Variants in IMMP2L observed in about 807,000 individuals in gnomAD.
The protein encoded by IMMP2L is mitochondrial inner membrane protease subunit 2.
IMMP2L carries 18 observed loss-of-function variants against 19.3 expected under a neutral mutation model. That is an observed-to-expected ratio of 0.93 (90% CI 0.64 to 1.38). IMMP2L has a LOEUF of 1.38. Among genes scored for constraint, IMMP2L ranks in the 40% most tolerant of loss-of-function variants. The probability of loss-of-function intolerance (pLI) is 0.00; values close to 1 mark genes in which losing one functional copy is unlikely to be tolerated. For missense variants in IMMP2L, 233 were observed against 218.2 expected (o/e 1.07, Z -0.43); for synonymous variants, 76 against 73.0 (o/e 1.04, Z -0.21).
At chr7:111,254,737 G>T (rs1295460773) in intron 3 of IMMP2L, among the ~76,000 whole-genome samples, 3 of 151,982 alleles carry the variant, frequency 2.0e-5, no homozygotes, top group Non-Finnish European at 4.4e-5. Context: ...TCCCAGAGTC[G>T]TCCTGCAGAA....
intron 3 of IMMP2L, among the ~76,000 whole-genome samples, chr7:110,995,732 GA>G (rs1048543218): frequency 6.6e-6 from 1 of 152,066 alleles, no homozygotes; most frequent in African/African-American, 2.4e-5. Context: ...CTGGACCAGG[GA>G]AAATCAGGCT....
At chr7:111,423,546 G>C (rs975600739) in intron 3 of IMMP2L, among the ~76,000 whole-genome samples, 7 of 151,740 alleles carry the variant, frequency 4.6e-5, no homozygotes, top group Non-Finnish European at 7.4e-5. Context: ...GTATTTCTGT[G>C]GGATAGGTGG....
Position 111,123,692 on chromosome 7 carries a change from A to T in IMMP2L, c.240-160127T>A, listed in dbSNP as rs758915597. ...TCCATCGATAGTCTTGCTGTGGATA[A>T]CCTGCCAGATTTAAGAAAAATAGAA... On this transcript the variant is annotated intron_variant, in intron 3 of 5. Coordinates refer to ENST00000405709, the MANE Select transcript of IMMP2L (RefSeq NM_032549.4). This position sits in a 1 kb window ranked among gnomAD's most constrained non-coding sequence, Gnocchi z 6.4. 1 of 1,613,924 alleles carries T rather than the reference A, an allele frequency of 6.2e-7. No homozygotes were observed. Among genetic ancestry groups the T allele is most frequent in the Non-Finnish European group, 8.5e-7 (1 of 1,179,944 alleles).
chr7:111,261,899 T>C (rs1348731425), intron 3 of IMMP2L, among the ~76,000 whole-genome samples: 1 of 152,102 alleles, frequency 6.6e-6, no homozygotes, highest in South Asian at 2.1e-4. Flanking sequence ...CTGAAGGTTA[T>C]GGGGATAGAC....
chr7:111,021,964 C>A (rs993058589), intron 3 of IMMP2L, among the ~76,000 whole-genome samples: 1 of 152,160 alleles, frequency 6.6e-6, no homozygotes, highest in Non-Finnish European at 1.5e-5. Context: ...GATTCAATTA[C>A]CTCCCACTGG....
intron 5 of IMMP2L, among the ~76,000 whole-genome samples, chr7:110,767,612 A>G (rs1044030793): frequency 1.3e-5 from 2 of 152,164 alleles, no homozygotes; most frequent in Non-Finnish European, 2.9e-5. Flanking sequence ...TCTCTATCTT[A>G]TGCCTATCAA....
At chr7:111,143,689 C>A (rs959287133) in intron 3 of IMMP2L, among the ~76,000 whole-genome samples, 2 of 152,110 alleles carry the variant, frequency 1.3e-5, no homozygotes, top group Non-Finnish European at 2.9e-5. Context: ...ATAACTGTAA[C>A]TGTGGAAAGG....
intron 3 of IMMP2L, among the ~76,000 whole-genome samples, chr7:111,357,659 G>C (rs752302293): frequency 1.1e-4 from 17 of 152,020 alleles, no homozygotes; most frequent in Non-Finnish European, 2.2e-4. Context: ...TAGTTATTAT[G>C]TCTAAATATT....
At chr7:110,819,811 C>G (rs944431753) in intron 5 of IMMP2L, among the ~76,000 whole-genome samples, 1 of 152,018 alleles carries the variant, frequency 6.6e-6, no homozygotes, top group Non-Finnish European at 1.5e-5. Context: ...TAAATTATAT[C>G]TTTCAAGTAA....
intron 5 of IMMP2L, among the ~76,000 whole-genome samples, chr7:110,850,164 A>T (rs1250742221): frequency 6.6e-6 from 1 of 152,116 alleles, no homozygotes; most frequent in Admixed American, 6.6e-5. Context: ...TATATCAGCA[A>T]TTAGGGTAGG....
chr7:110,844,531 G>T (rs940413699), intron 5 of IMMP2L, among the ~76,000 whole-genome samples: 13 of 151,790 alleles, frequency 8.6e-5, no homozygotes, highest in African/African-American at 2.9e-4. Flanking sequence ...AACGGATGGG[G>T]GTCTTTTATA....
chr7:111,404,713 A>C (rs1386052230), intron 3 of IMMP2L, among the ~76,000 whole-genome samples: 1 of 152,132 alleles, frequency 6.6e-6, no homozygotes, highest in Non-Finnish European at 1.5e-5. Flanking sequence ...CTAAATTTTC[A>C]CATTTGTCAA....
At chr7:111,180,808 ATG>A (rs1436020791) in intron 3 of IMMP2L, among the ~76,000 whole-genome samples, 2 of 152,044 alleles carry the variant, frequency 1.3e-5, no homozygotes, top group Non-Finnish European at 2.9e-5. Flanking sequence ...TTTATGGAAT[ATG>A]TGTTTCATTT....
At chr7:111,552,570 G>A (rs1790802007) in intron 1 of IMMP2L, among the ~76,000 whole-genome samples, 2 of 152,118 alleles carry the variant, frequency 1.3e-5, no homozygotes, top group South Asian at 4.1e-4. Context: ...TTACAGGTGT[G>A]AGCCACCATC....
chr7:111,555,611 C>CT (rs1161900774), intron 1 of IMMP2L, among the ~76,000 whole-genome samples: 1 of 151,896 alleles, frequency 6.6e-6, no homozygotes, highest in Non-Finnish European at 1.5e-5. Flanking sequence ...ATGTATTTGA[C>CT]TTTTTTTTAA....
intron 5 of IMMP2L, among the ~76,000 whole-genome samples, chr7:110,775,904 G>A (rs1030433691): frequency 2.6e-5 from 4 of 151,612 alleles, no homozygotes; most frequent in African/African-American, 7.3e-5. Context: ...AACTCCAGAG[G>A]CAACAAAGTC....
At chr7:111,055,143 T>C (rs149847332) in intron 3 of IMMP2L, among the ~76,000 whole-genome samples, 131 of 152,020 alleles carry the variant, frequency 8.6e-4, no homozygotes, top group African/African-American at 3.0e-3. Context: ...CTCAAACTCT[T>C]GGGCTCGGGC....
chr7:110,748,055 G>C (rs967640833), intron 5 of IMMP2L, among the ~76,000 whole-genome samples: 1 of 152,138 alleles, frequency 6.6e-6, no homozygotes, highest in African/African-American at 2.4e-5. Flanking sequence ...CAAAGTCTCA[G>C]GATACAAAAT....
At chr7:110,993,095 G>A (rs187661143) in intron 3 of IMMP2L, among the ~76,000 whole-genome samples, 1 of 152,134 alleles carries the variant, frequency 6.6e-6, no homozygotes, top group African/African-American at 2.4e-5. Context: ...AACTAATTGA[G>A]AAAGAGGTAG....
Sources: gnomAD v4.1 joint callset for allele counts (sites outside exome capture counted in the v4.1 genomes callset) on GRCh38, gnomAD v4.1.1 for gene constraint, Gnocchi (gnomAD v3.1) non-coding constraint, MANE v1.5 for transcripts, NCBI Gene and HGNC (gene_info 2026-07-23, HGNC 2026-07-21) for gene names.